The following GLIS3 variants were observed in gnomAD, a reference collection of about 807,000 sequenced individuals.
GLIS3 encodes the protein zinc finger protein GLIS3.
In GLIS3, 53 loss-of-function variants were observed where a neutral mutation model predicts 78.6. That is an observed-to-expected ratio of 0.67 (90% CI 0.54 to 0.85). The LOEUF is 0.85. Ranked by LOEUF, GLIS3 falls within the 40% of genes least tolerant of loss-of-function variation. The pLI is 0.00. For synonymous variants in GLIS3, 684 were observed against 509.9 expected (o/e 1.34, Z -4.60); for missense variants, 1,703 against 1,231.1 (o/e 1.38, Z -5.74).
chr9:3,898,433 G>C lies in GLIS3; in HGVS notation c.2128+258C>G, dbSNP rs568695222. On this transcript the variant is annotated intron_variant, in intron 7 of 10. Coordinates refer to ENST00000381971, the MANE Select transcript of GLIS3 (RefSeq NM_001042413.2). ...AAATGTAACATAACTGCGAGGGTTG[G>C]GTACACTGAATTTCTGGCAGAAGTC... is the stretch of plus-strand genomic sequence containing the variant. 1.8e-4 allele frequency: 94 copies of C among 517,454 alleles called. No homozygotes were observed. The South Asian group carries it at 1.9e-3, about 10-fold the overall frequency. The allele number at this position is 517,454 out of a possible 1,614,324, so 32.1% of individuals were successfully genotyped here. A position where few individuals can be genotyped will look rare whatever the true frequency, so the allele number is the denominator to read the frequency against.
At chr9:3,970,586 G>C (rs1818307009) in intron 4 of GLIS3, among the ~76,000 whole-genome samples, 1 of 152,112 alleles carries the variant, frequency 6.6e-6, no homozygotes, top group Non-Finnish European at 1.5e-5. Flanking sequence ...TAATGCACAG[G>C]ACAGCCCTCA....
chr9:4,397,790 GGA>G, the GLIS3 span, among the ~76,000 whole-genome samples: 5 of 151,228 alleles, frequency 3.3e-5, no homozygotes, highest in African/African-American at 1.2e-4. Context: ...GGAGGGGAGG[GGA>G]GAGGAGGAAG....
intron 1 of GLIS3, among the ~76,000 whole-genome samples, chr9:4,299,040 C>T (rs750911329): frequency 1.6e-4 from 25 of 152,136 alleles, no homozygotes; most frequent in Non-Finnish European, 3.4e-4. Flanking sequence ...CATGCCCGTG[C>T]GTCCTGTAAC....
chr9:4,349,483 A>G (rs1009003305), upstream of GLIS3, among the ~76,000 whole-genome samples: 2 of 152,200 alleles, frequency 1.3e-5, no homozygotes, highest in Non-Finnish European at 2.9e-5. Context: ...ATTTATATTG[A>G]TGAGTAGAAA....
At chr9:4,143,193 A>G (rs942189304) in intron 2 of GLIS3, among the ~76,000 whole-genome samples, 3 of 152,144 alleles carry the variant, frequency 2.0e-5, no homozygotes, top group African/African-American at 7.2e-5. Context: ...CATAGTTAAC[A>G]TACCCATAAC....
the GLIS3 span, among the ~76,000 whole-genome samples, chr9:4,357,750 T>C: frequency 2.0e-5 from 3 of 152,168 alleles, no homozygotes; most frequent in Non-Finnish European, 4.4e-5. Context: ...TTCTAGGAAT[T>C]TATCCTACAG....
the GLIS3 span, among the ~76,000 whole-genome samples, chr9:4,441,397 T>A: frequency 3.0e-3 from 461 of 152,314 alleles, 3 homozygotes; most frequent in Non-Finnish European, 5.8e-3. Flanking sequence ...TTTTTCTACA[T>A]CTTGGTTTTT....
At chr9:3,955,853 G>T (rs899327318) in intron 4 of GLIS3, among the ~76,000 whole-genome samples, 1 of 151,904 alleles carries the variant, frequency 6.6e-6, no homozygotes, top group Non-Finnish European at 1.5e-5. Context: ...ACCATAAAGA[G>T]GAAAAATCTG....
At chr9:3,892,451 G>C (rs1822528436) in intron 7 of GLIS3, among the ~76,000 whole-genome samples, 1 of 152,178 alleles carries the variant, frequency 6.6e-6, no homozygotes, top group African/African-American at 2.4e-5. Context: ...TTCTGGGACA[G>C]TGCTGATAGC....
intron 6 of GLIS3, chr9:3,901,214 C>T (rs945102656): frequency 2.3e-5 from 4 of 174,326 alleles, no homozygotes; most frequent in East Asian, 1.7e-4. Flanking sequence ...TCAGCCCGCT[C>T]GCACCGGAGT....
chr9:4,353,323 T>G (rs1817998359), upstream of GLIS3, among the ~76,000 whole-genome samples: 1 of 152,178 alleles, frequency 6.6e-6, no homozygotes, highest in South Asian at 2.1e-4. Flanking sequence ...TGAAATTGCT[T>G]GCTATATGAT....
rs1554647074 is a variant in GLIS3 at position 3,920,609 on chromosome 9, G to GA, written c.1983+11750_1983+11751insT. Reference sequence around the variant, plus strand: ...CATATTTTTGAATATAAAAGAACAGGTTTTTTTTTTTTTTTTTTTAAAGAA... The same window carrying GA: ...CATATTTTTGAATATAAAAGAACAGGATTTTTTTTTTTTTTTTTTTAAAGAA... On this transcript the variant is annotated intron_variant, in intron 6 of 10. Coordinates refer to ENST00000381971, the MANE Select transcript of GLIS3 (RefSeq NM_001042413.2). 1.1e-4 allele frequency among the ~76,000 whole-genome samples: 14 copies of GA among 127,806 alleles called. No individual in the cohort carries two copies. The East Asian group carries it at 3.0e-3, about 27-fold the overall frequency. 83.8% of individuals were successfully genotyped at this position (127,806 alleles called of 152,430 possible).
chr9:4,247,032 C>T (rs951613311), intron 2 of GLIS3, among the ~76,000 whole-genome samples: 2 of 152,198 alleles, frequency 1.3e-5, no homozygotes, highest in Non-Finnish European at 2.9e-5. Flanking sequence ...ACTAGAACAA[C>T]TGAGTTTTTA....
chr9:4,479,014 G>A, the GLIS3 span, among the ~76,000 whole-genome samples: 1 of 152,188 alleles, frequency 6.6e-6, no homozygotes, highest in African/African-American at 2.4e-5. Context: ...AATCCAGAAT[G>A]TGGGGAATTT....
intron 2 of GLIS3, among the ~76,000 whole-genome samples, chr9:4,236,938 C>T (rs183054973): frequency 6.6e-6 from 1 of 152,036 alleles, no homozygotes; most frequent in East Asian, 1.9e-4. Flanking sequence ...CCAGGATGGG[C>T]TCAGCATCGT....
intron 4 of GLIS3, among the ~76,000 whole-genome samples, chr9:4,065,436 G>A (rs910478985): frequency 2.0e-5 from 3 of 151,974 alleles, no homozygotes; most frequent in Non-Finnish European, 2.9e-5. Flanking sequence ...TCATACTAAC[G>A]CTGTAAAACA....
rs751315230 is a variant in GLIS3 at position 4,118,097 on chromosome 9, G to C, written c.1381C>G (p.Pro461Ala). The C allele has an allele frequency of 1.9e-6, 3 of 1,560,256 alleles. No individual in the cohort carries two copies. The highest frequency in any genetic ancestry group is 2.6e-6 in the Non-Finnish European group (3 of 1,152,128). The change falls in exon 4 of 11, where the codon CCT becomes GCT. Residue 461 changes from proline (P) to alanine (A), a missense_variant. Pro to Ala is a conservative substitution (Grantham distance 27, BLOSUM62 -1). Transcript: ENST00000381971. The surrounding 1 kb of genome is among the most constrained non-coding windows in gnomAD (Gnocchi z 4.7). ...PLPPPPGPPP[P>A]YHAHAHLHHP... is the part of the protein sequence containing the mutation. ...TGAAGGTGCGCATGGGCATGGTAAG[G>C]GGGTGGGGGGCCTGGGGGCGGCGGC...
At chr9:4,436,224 A>G in the GLIS3 span, among the ~76,000 whole-genome samples, 1 of 152,214 alleles carries the variant, frequency 6.6e-6, no homozygotes, top group Non-Finnish European at 1.5e-5. Context: ...ACTATAGGGA[A>G]ATGTTTAATA....
chr9:4,195,782 G>A (rs769509948), intron 2 of GLIS3, among the ~76,000 whole-genome samples: 3 of 152,266 alleles, frequency 2.0e-5, no homozygotes, highest in Non-Finnish European at 4.4e-5. Context: ...TCTAGCTGGA[G>A]GATTGTGGAT....
Sources: gnomAD v4.1 joint callset for allele counts (sites outside exome capture counted in the v4.1 genomes callset) on GRCh38, gnomAD v4.1.1 for gene constraint, Gnocchi (gnomAD v3.1) non-coding constraint, MANE v1.5 for transcripts, NCBI Gene and HGNC (gene_info 2026-07-23, HGNC 2026-07-21) for gene names.